The following EYS variants were observed in gnomAD, a reference collection of about 807,000 sequenced individuals.
EYS encodes the protein EGF-like photoreceptor maintenance factor.
A neutral mutation model predicts 282.1 loss-of-function variants in EYS; 250 were observed. That is an observed-to-expected ratio of 0.89 (90% CI 0.80 to 0.98). The LOEUF (loss-of-function observed/expected upper bound fraction) is 0.98. Among genes scored for constraint, EYS ranks in the 50% least tolerant of loss-of-function variants. The pLI is 0.00. For synonymous variants in EYS, 1,355 were observed against 1,282.9 expected (o/e 1.06, Z -1.20); for missense variants, 4,016 against 3,709.0 (o/e 1.08, Z -2.15).
chr6:65,482,596 G>A lies in EYS; in HGVS notation c.862+7998C>T, dbSNP rs544684537. On this transcript the variant is annotated intron_variant, in intron 5 of 42. Coordinates refer to ENST00000503581, the MANE Select transcript of EYS (RefSeq NM_001142800.2). ...CTATTCTTCACAAATTCTACCCACT[G>A]GTGAGGATTACTCAAATGGAGAAAT... Among the ~76,000 whole-genome samples, 4 of 152,228 alleles carry A rather than the reference G, an allele frequency of 2.6e-5. No individual in the cohort carries two copies. The South Asian group carries it at 8.3e-4, about 32-fold the overall frequency.
intron 28 of EYS, among the ~76,000 whole-genome samples, chr6:64,401,642 A>T (rs2150436546): frequency 6.6e-6 from 1 of 152,056 alleles, no homozygotes; most frequent in Admixed American, 6.6e-5. Context: ...TATTTAAGTA[A>T]ATATAAAATA....
chr6:64,855,081 C>T (rs537626487), intron 19 of EYS, among the ~76,000 whole-genome samples: 2 of 151,900 alleles, frequency 1.3e-5, no homozygotes, highest in Non-Finnish European at 2.9e-5. Context: ...TCTCTGTCTG[C>T]CTTCAAGATT....
chr6:64,061,862 C>T (rs1019310869), intron 33 of EYS, among the ~76,000 whole-genome samples: 2 of 151,556 alleles, frequency 1.3e-5, no homozygotes, highest in Non-Finnish European at 2.9e-5. Context: ...TGGGGACGCA[C>T]GCCTGTAATC....
chr6:64,993,128 T>C (rs905907662), intron 14 of EYS, among the ~76,000 whole-genome samples: 4 of 152,074 alleles, frequency 2.6e-5, no homozygotes, highest in Non-Finnish European at 4.4e-5. Flanking sequence ...TAATTCTGGA[T>C]TGATCCACCT....
intron 19 of EYS, among the ~76,000 whole-genome samples, chr6:64,851,816 G>T (rs978023380): frequency 6.6e-6 from 1 of 151,962 alleles, no homozygotes; most frequent in Non-Finnish European, 1.5e-5. Context: ...GGTGGGAGAA[G>T]GGAAAGGATC....
intron 22 of EYS, chr6:64,713,244 C>T (rs1771267911): frequency 6.6e-6 from 1 of 152,132 alleles, no homozygotes; most frequent in Admixed American, 6.5e-5. Flanking sequence ...AATATGATTT[C>T]CAAAACTGCA....
chr6:63,919,678 C>T (rs1371826872), intron 35 of EYS, among the ~76,000 whole-genome samples: 1 of 152,224 alleles, frequency 6.6e-6, no homozygotes, highest in South Asian at 2.1e-4. Context: ...GATGATTTCC[C>T]TAGGTGAAAG....
At chr6:65,472,009 G>A (rs1329380879) in intron 5 of EYS, among the ~76,000 whole-genome samples, 1 of 152,052 alleles carries the variant, frequency 6.6e-6, no homozygotes, top group Non-Finnish European at 1.5e-5. Flanking sequence ...GATTGCATTT[G>A]TTCATCTTGC....
intron 28 of EYS, among the ~76,000 whole-genome samples, chr6:64,391,046 G>A (rs576728690): frequency 6.6e-6 from 1 of 152,278 alleles, no homozygotes; most frequent in African/African-American, 2.4e-5. Flanking sequence ...TGAAATGAAT[G>A]AAATGAAGCG....
At chr6:64,498,524 T>C (rs1776952864) in intron 26 of EYS, among the ~76,000 whole-genome samples, 1 of 151,996 alleles carries the variant, frequency 6.6e-6, no homozygotes, top group Admixed American at 6.6e-5. Flanking sequence ...GTTACATAGG[T>C]AAACATGTGC....
At chr6:65,132,491 G>T (rs9689785) in intron 12 of EYS, among the ~76,000 whole-genome samples, 4,527 of 151,876 alleles carry the variant, frequency 0.03, 93 homozygotes, top group African/African-American at 0.058. Flanking sequence ...TGCATAAAAG[G>T]CTTTCAATAA....
Position 65,178,739 on chromosome 6 carries a change from C to T in EYS, c.2023+117124G>A, listed in dbSNP as rs645365. ...ATAGACATCTACAGAACTCTCCACCCGAAATCAACAGAATATACATTCTTC... is the reference window on the plus strand; with the variant it reads ...ATAGACATCTACAGAACTCTCCACCTGAAATCAACAGAATATACATTCTTC... On this transcript the variant is annotated intron_variant, in intron 12 of 42. Coordinates refer to ENST00000503581, the MANE Select transcript of EYS (RefSeq NM_001142800.2). Among the ~76,000 whole-genome samples the T allele has an allele frequency of 2.5e-3, 374 of 152,182 alleles. 2 individuals are homozygous for T. The highest frequency in any genetic ancestry group is 0.014 in the Middle Eastern group (4 of 294).
chr6:63,999,647 C>G (rs1767987855), intron 33 of EYS, among the ~76,000 whole-genome samples: 1 of 152,116 alleles, frequency 6.6e-6, no homozygotes, highest in African/African-American at 2.4e-5. Flanking sequence ...GGCTGCATAC[C>G]CCTGAGCAGA....
intron 18 of EYS, among the ~76,000 whole-genome samples, chr6:64,901,400 T>G (rs982499683): frequency 2.2e-4 from 33 of 151,086 alleles, no homozygotes; most frequent in African/African-American, 7.3e-4. Flanking sequence ...TTCATATTAT[T>G]ATAAGAATGC....
intron 30 of EYS, among the ~76,000 whole-genome samples, chr6:64,295,694 A>G (rs1768949994): frequency 7.1e-6 from 1 of 141,318 alleles, no homozygotes; most frequent in Non-Finnish European, 1.5e-5. Flanking sequence ...GCGCCGCTGC[A>G]CTCCAGCCTG....
At chr6:65,695,743 A>G (rs2149847993) in intron 1 of EYS, among the ~76,000 whole-genome samples, 1 of 152,108 alleles carries the variant, frequency 6.6e-6, no homozygotes, top group Non-Finnish European at 1.5e-5. Context: ...GCTCTGTCAA[A>G]AAGTTGATTT....
intron 26 of EYS, among the ~76,000 whole-genome samples, chr6:64,519,802 G>C (rs1777674474): frequency 6.6e-6 from 1 of 151,770 alleles, no homozygotes; most frequent in Non-Finnish European, 1.5e-5. Flanking sequence ...CATCCCCATA[G>C]CAAACCAAAC....
At chr6:65,153,913 T>C (rs992425146) in intron 12 of EYS, among the ~76,000 whole-genome samples, 1 of 151,856 alleles carries the variant, frequency 6.6e-6, no homozygotes, top group Non-Finnish European at 1.5e-5. Context: ...TATTAATAGA[T>C]ACATTATTAT....
intron 22 of EYS, among the ~76,000 whole-genome samples, chr6:64,708,464 C>T (rs1276745308): frequency 2.0e-5 from 3 of 152,122 alleles, no homozygotes; most frequent in African/African-American, 7.2e-5. Context: ...GTCTGATCTA[C>T]CCAGGTTTGA....
Sources: allele counts gnomAD v4.1 joint callset (sites outside exome capture counted in the v4.1 genomes callset), GRCh38; gene constraint gnomAD v4.1.1; transcripts MANE v1.5; gene names NCBI Gene and HGNC (gene_info 2026-07-23, HGNC 2026-07-21).